The following SHISA9 variants were observed in gnomAD, a reference collection of about 807,000 sequenced individuals.
SHISA9 encodes the protein protein shisa-9.
In SHISA9, 13 loss-of-function variants were observed where a neutral mutation model predicts 38.0. The ratio of observed to expected loss-of-function variants is 0.34; its 90% CI spans 0.22 to 0.54. The LOEUF is 0.54. Ranked by LOEUF, SHISA9 falls within the 20% of genes least tolerant of loss-of-function variation. SHISA9 has a pLI of 0.91. For synonymous variants in SHISA9, 275 were observed against 242.0 expected, an observed-to-expected ratio of 1.14 and a Z score of -1.27; for missense variants, 538 against 575.8, an observed-to-expected ratio of 0.93 and a Z score of 0.67.
the SHISA9 span, among the ~76,000 whole-genome samples, chr16:13,261,917 T>G: frequency 2.0e-5 from 3 of 152,232 alleles, no homozygotes; most frequent in Non-Finnish European, 2.9e-5. Context: ...TTAAGTTCTG[T>G]GGCTGAGGAT....
intron 2 of SHISA9, among the ~76,000 whole-genome samples, chr16:13,112,360 A>T (rs1218839541): frequency 1.3e-5 from 2 of 152,224 alleles, no homozygotes; most frequent in African/African-American, 4.8e-5. Flanking sequence ...ATGGGAAGTG[A>T]AGAAGAAGGG....
At chr16:13,382,674 C>G in the SHISA9 span, among the ~76,000 whole-genome samples, 1 of 151,936 alleles carries the variant, frequency 6.6e-6, no homozygotes, top group Non-Finnish European at 1.5e-5. Context: ...GCTTGACCAA[C>G]ATGGTGAAAC....
At chr16:13,373,558 C>T in the SHISA9 span, among the ~76,000 whole-genome samples, 11 of 152,024 alleles carry the variant, frequency 7.2e-5, no homozygotes, top group Admixed American at 3.3e-4. Context: ...GTCAGGAGAT[C>T]GAGACCATCC....
the SHISA9 span, among the ~76,000 whole-genome samples, chr16:13,500,482 G>A: frequency 6.6e-6 from 1 of 152,170 alleles, no homozygotes; most frequent in Non-Finnish European, 1.5e-5. Flanking sequence ...TTAATGGAAG[G>A]AAATAGCAGT....
chr16:13,434,425 T>TTTTTTTGTTTGTTTTG, the SHISA9 span, among the ~76,000 whole-genome samples: 52,740 of 132,078 alleles, frequency 0.4, 12,366 homozygotes, highest in Non-Finnish European at 0.41. Flanking sequence ...CTATGTTTTT[T>TTTTTTTGTTTGTTTTG]TTTTTTTTTT....
At chr16:13,073,818 A>T (rs1484675540) in intron 2 of SHISA9, among the ~76,000 whole-genome samples, 1 of 152,104 alleles carries the variant, frequency 6.6e-6, no homozygotes, top group Non-Finnish European at 1.5e-5. Flanking sequence ...AACGCCAAAG[A>T]TAGCTGGTAA....
chr16:13,155,283 G>A (rs901577178), intron 2 of SHISA9, among the ~76,000 whole-genome samples: 2 of 152,140 alleles, frequency 1.3e-5, no homozygotes, highest in African/African-American at 4.8e-5. Context: ...GGAATACTTG[G>A]ATATCACAGA....
At chr16:12,940,765 T>C (rs941809178) in intron 2 of SHISA9, among the ~76,000 whole-genome samples, 2 of 152,186 alleles carry the variant, frequency 1.3e-5, no homozygotes, top group Non-Finnish European at 2.9e-5. Context: ...TTCTGTCTCT[T>C]TCTAATGGTG....
chr16:13,131,234 C>T (rs2050303899), intron 2 of SHISA9, among the ~76,000 whole-genome samples: 1 of 152,014 alleles, frequency 6.6e-6, no homozygotes, highest in African/African-American at 2.4e-5. Flanking sequence ...TGATGATAGA[C>T]TGGATAAAGA....
chr16:13,089,407 T>A (rs1322494146), intron 2 of SHISA9, among the ~76,000 whole-genome samples: 1 of 152,224 alleles, frequency 6.6e-6, no homozygotes, highest in Non-Finnish European at 1.5e-5. Context: ...TCTGGTAGAA[T>A]TCGGCTGTGA....
At chr16:13,172,614 T>A (rs1450623305) in intron 2 of SHISA9, among the ~76,000 whole-genome samples, 1 of 152,204 alleles carries the variant, frequency 6.6e-6, no homozygotes, top group Non-Finnish European at 1.5e-5. Context: ...ATCACCTTCG[T>A]GCTGGCAAGA....
At chr16:13,265,430 TTCCCTTCCCTTCTCTTTCTC>T in the SHISA9 span, among the ~76,000 whole-genome samples, 1 of 106,094 alleles carries the variant, frequency 9.4e-6, no homozygotes, top group Admixed American at 1.1e-4. Context: ...TCCCCTCCTC[TTCCCTTCCCTTCTCTTTCTC>T]TCCCTTCCCT....
intron 2 of SHISA9, among the ~76,000 whole-genome samples, chr16:12,939,237 C>A (rs542694273): frequency 1.3e-3 from 195 of 152,224 alleles, no homozygotes; most frequent in African/African-American, 4.4e-3. Context: ...GTGCTCACCA[C>A]CACGCCTGGC....
At chr16:13,561,110 C>T in the SHISA9 span, among the ~76,000 whole-genome samples, 2 of 152,134 alleles carry the variant, frequency 1.3e-5, no homozygotes, top group Non-Finnish European at 1.5e-5. Context: ...GTGAACTGCC[C>T]GCTTCAGCCA....
At chr16:13,437,927 G>A in the SHISA9 span, among the ~76,000 whole-genome samples, 4 of 81,160 alleles carry the variant, frequency 4.9e-5, no homozygotes, top group African/African-American at 1.3e-4. Flanking sequence ...GTGCAGTGAC[G>A]TGATCTCAGC....
chr16:13,284,547 T>C, the SHISA9 span, among the ~76,000 whole-genome samples: 1 of 152,202 alleles, frequency 6.6e-6, no homozygotes, highest in Admixed American at 6.5e-5. Flanking sequence ...GATTACCTGG[T>C]CAGCTCTTTC....
chr16:13,362,599 G>A, the SHISA9 span, among the ~76,000 whole-genome samples: 1,331 of 152,288 alleles, frequency 8.7e-3, 20 homozygotes, highest in African/African-American at 0.031. Flanking sequence ...CATGTGCAAG[G>A]AAGTGAAAAT....
chr16:13,308,300 T>C, the SHISA9 span, among the ~76,000 whole-genome samples: 1 of 151,762 alleles, frequency 6.6e-6, no homozygotes. Flanking sequence ...TGAGTGACAA[T>C]GTGGATGAAA....
the SHISA9 span, among the ~76,000 whole-genome samples, chr16:13,333,362 G>T: frequency 6.6e-6 from 1 of 152,166 alleles, no homozygotes; most frequent in Non-Finnish European, 1.5e-5. Flanking sequence ...TGGGTACAGG[G>T]TATCACCCTA....
Sources: gnomAD v4.1 joint callset for allele counts (sites outside exome capture counted in the v4.1 genomes callset) on GRCh38, gnomAD v4.1.1 for gene constraint, MANE v1.5 for transcripts, NCBI Gene and HGNC (gene_info 2026-07-23, HGNC 2026-07-21) for gene names.